The following UBE2D2 variants were observed in gnomAD, a reference collection of about 807,000 sequenced individuals.
UBE2D2 encodes ubiquitin conjugating enzyme E2 D2, also known as ubiquitin-conjugating enzyme E2 D2.
A neutral mutation model predicts 24.2 loss-of-function variants in UBE2D2; 2 were observed. That is an observed-to-expected ratio of 0.08 (90% CI 0.03 to 0.26). The LOEUF (loss-of-function observed/expected upper bound fraction) is 0.26, where lower values mean the gene tolerates loss of function less well. UBE2D2 is among the 10% of genes least tolerant of loss of function. The pLI is 1.00. For missense variants in UBE2D2, 44 were observed against 177.6 expected, an observed-to-expected ratio of 0.25 and a Z score of 4.28; for synonymous variants, 58 against 56.5, an observed-to-expected ratio of 1.03 and a Z score of -0.12.
intron 1 of UBE2D2, chr5:139,526,636 C>A (rs1752544032): frequency 6.6e-6 from 1 of 152,248 alleles, no homozygotes; most frequent in Non-Finnish European, 1.5e-5. Context: ...TTGGAACTTG[C>A]CCCACTCCAT....
chr5:139,562,335 T>C, intron 1 of UBE2D2: 1 of 1,345,254 alleles, frequency 7.4e-7, no homozygotes, highest in Non-Finnish European at 9.8e-7. Flanking sequence ...ACCTCTTGGG[T>C]GGCAGCACAC....
intron 5 of UBE2D2, among the ~76,000 whole-genome samples, chr5:139,623,037 AC>A (rs1414906961): frequency 7.3e-5 from 11 of 151,604 alleles, no homozygotes; most frequent in Admixed American, 2.0e-4. Context: ...CCCCATCTCT[AC>A]TAAAAATACA....
At chr5:139,549,329 C>T (rs577216057) in intron 1 of UBE2D2, among the ~76,000 whole-genome samples, 3 of 152,222 alleles carry the variant, frequency 2.0e-5, no homozygotes, top group African/African-American at 7.2e-5. Flanking sequence ...CCTCTGCTTG[C>T]GGGGAGGTGT....
At chr5:139,527,103 A>G (rs1318223647) in intron 1 of UBE2D2, among the ~76,000 whole-genome samples, 1 of 152,200 alleles carries the variant, frequency 6.6e-6, no homozygotes, top group Non-Finnish European at 1.5e-5. Context: ...CGGTGTTACT[A>G]TGACACCAGA....
chr5:139,598,115 A>T (rs1043414388), intron 1 of UBE2D2, among the ~76,000 whole-genome samples: 1 of 152,022 alleles, frequency 6.6e-6, no homozygotes, highest in Non-Finnish European at 1.5e-5. Flanking sequence ...GTTAGCCAGG[A>T]TGGTCTCGAT....
chr5:139,590,939 C>CCT (rs1174586033), intron 1 of UBE2D2, among the ~76,000 whole-genome samples: 7 of 151,208 alleles, frequency 4.6e-5, no homozygotes, highest in Non-Finnish European at 8.8e-5. Flanking sequence ...GGATTATAGG[C>CCT]ATGTGCCACC....
chr5:139,588,248 GT>G (rs1206193414), intron 1 of UBE2D2, among the ~76,000 whole-genome samples: 184 of 146,882 alleles, frequency 1.3e-3, no homozygotes, highest in African/African-American at 3.8e-3. Flanking sequence ...CTTGTTTAGC[GT>G]TTTTTTTTTT....
intron 1 of UBE2D2, among the ~76,000 whole-genome samples, chr5:139,536,548 G>C (rs757233252): frequency 1.8e-4 from 28 of 152,050 alleles, no homozygotes; most frequent in Non-Finnish European, 3.4e-4. Context: ...TATTTTAGTA[G>C]AGACGCCCTG....
chr5:139,546,272 G>A (rs1752824018), intron 1 of UBE2D2, among the ~76,000 whole-genome samples: 1 of 151,686 alleles, frequency 6.6e-6, no homozygotes, highest in Admixed American at 6.6e-5. Flanking sequence ...TTGAACTCCT[G>A]ACCTCATGAT....
At chr5:139,530,315 C>T (rs1752585838) in intron 1 of UBE2D2, among the ~76,000 whole-genome samples, 1 of 152,178 alleles carries the variant, frequency 6.6e-6, no homozygotes, top group Non-Finnish European at 1.5e-5. Flanking sequence ...GTATAATTGG[C>T]ACCATTAAGC....
At chr5:139,552,716 CTT>C (rs1752939133) in intron 1 of UBE2D2, among the ~76,000 whole-genome samples, 1 of 125,434 alleles carries the variant, frequency 8.0e-6, no homozygotes, top group Admixed American at 9.8e-5. Flanking sequence ...GAGTTTCTCT[CTT>C]GTTGCCCAGG....
At chr5:139,592,529 C>T (rs143369346) in intron 1 of UBE2D2, among the ~76,000 whole-genome samples, 299 of 151,554 alleles carry the variant, frequency 2.0e-3, no homozygotes, top group Middle Eastern at 3.4e-3. Flanking sequence ...GATGGTGATC[C>T]TGCTGTGTCA....
chr5:139,578,669 T>A (rs1753534546), intron 1 of UBE2D2, among the ~76,000 whole-genome samples: 1 of 151,958 alleles, frequency 6.6e-6, no homozygotes, highest in African/African-American at 2.4e-5. Flanking sequence ...CCCAGGCTGC[T>A]CTCAAACTCC....
chr5:139,602,403 C>T (rs1309823876), intron 2 of UBE2D2, among the ~76,000 whole-genome samples: 2 of 152,080 alleles, frequency 1.3e-5, no homozygotes, highest in African/African-American at 2.4e-5. Context: ...TGGGCCCAGC[C>T]CAGTGGCTCA....
chr5:139,546,903 CTTTT>C (rs754571224), intron 1 of UBE2D2, among the ~76,000 whole-genome samples: 3 of 139,164 alleles, frequency 2.2e-5, no homozygotes, highest in East Asian at 2.1e-4. Context: ...TTCTTTCTTT[CTTTT>C]TTTTTGACAG....
chr5:139,562,413 T>G lies in UBE2D2; in HGVS notation c.24+598T>G. On this transcript the variant is annotated intron_variant, in intron 1 of 6. Coordinates refer to ENST00000398733, the MANE Select transcript of UBE2D2 (RefSeq NM_003339.3). ...GTTCAGAAGAAAAAAAAAAGGTGAC[T>G]TAATGAGGGAGGAGGGAAGTAGAGG... 3.1e-6 allele frequency: 4 copies of G among 1,305,922 alleles called. No homozygotes were observed. The South Asian group carries it at 3.7e-5, about 12-fold the overall frequency. The allele number at this position is 1,305,922 out of a possible 1,614,324, so 80.9% of individuals were successfully genotyped here.
intron 1 of UBE2D2, among the ~76,000 whole-genome samples, chr5:139,564,831 G>T (rs971864064): frequency 1.3e-5 from 2 of 152,128 alleles, no homozygotes; most frequent in Non-Finnish European, 2.9e-5. Flanking sequence ...AGTATGGCTT[G>T]ACTTCTCTGA....
At chr5:139,552,046 C>A (rs1264782842) in intron 1 of UBE2D2, among the ~76,000 whole-genome samples, 1 of 152,150 alleles carries the variant, frequency 6.6e-6, no homozygotes, top group Admixed American at 6.6e-5. Context: ...AGTATAATTC[C>A]TTGGATAAAC....
intron 1 of UBE2D2, among the ~76,000 whole-genome samples, chr5:139,526,841 G>A (rs1752546797): frequency 6.6e-6 from 1 of 152,112 alleles, no homozygotes; most frequent in South Asian, 2.1e-4. Flanking sequence ...TTGAATTGCT[G>A]GATACTTTAG....
Sources: gnomAD v4.1 joint callset for allele counts (sites outside exome capture counted in the v4.1 genomes callset) on GRCh38, gnomAD v4.1.1 for gene constraint, MANE v1.5 for transcripts, NCBI Gene and HGNC (gene_info 2026-07-23, HGNC 2026-07-21) for gene names.